EPM2A: variants seen among roughly 807,000 people sequenced by gnomAD.
EPM2A encodes the protein laforin.
Under a neutral mutation model 26.5 loss-of-function variants are expected in EPM2A, and 21 were observed. That is an observed-to-expected ratio of 0.79 (90% CI 0.56 to 1.14). EPM2A has a LOEUF of 1.14. Among genes scored for constraint, EPM2A ranks in the 50% most tolerant of loss-of-function variants. The pLI, the probability that EPM2A is intolerant of heterozygous loss-of-function variation, is 0.00. For missense variants in EPM2A, 458 were observed against 440.8 expected (o/e 1.04, Z -0.35); for synonymous variants, 217 against 177.6 (o/e 1.22, Z -1.76).
intron 2 of EPM2A, among the ~76,000 whole-genome samples, chr6:145,564,786 G>A (rs949565497): frequency 6.6e-6 from 1 of 151,814 alleles, no homozygotes; most frequent in African/African-American, 2.4e-5. Context: ...GGGGGGGCAG[G>A]GGGTGTGGAG....
rs143612628 is a variant in EPM2A at position 145,642,083 on chromosome 6, A to G, written c.477-6597T>C. On this transcript the variant is annotated intron_variant, in intron 2 of 3. Transcript: ENST00000367519. ...GATCTATATGCCGTGTCAATAGATT[A>G]TAATTGTAAATAAGGCAACTAGCAA... Among the ~76,000 whole-genome samples, 660 of 152,314 alleles carry G rather than the reference A, an allele frequency of 4.3e-3. 4 individuals carry two copies. The highest frequency in any genetic ancestry group is 0.014 in the African/African-American group (571 of 41,568).
At chr6:145,586,031 T>C (rs9373464) in intron 2 of EPM2A, among the ~76,000 whole-genome samples, 65,973 of 152,004 alleles carry the variant, frequency 0.43, 14,825 homozygotes, top group South Asian at 0.52. Flanking sequence ...CACTGTCCCA[T>C]AAACTCTAGC....
rs80250336 is a variant in EPM2A at position 145,511,591 on chromosome 6, C to T, written c.341-9016G>A. On this transcript the variant is annotated intron_variant, in intron 2 of 3. Transcript: ENST00000450221. ...AAACCCTTAACAAACTAGGCATAGA[C>T]GGAATGTATCTCAAAATAAAAGCCA... Among the ~76,000 whole-genome samples, 29 of 152,162 alleles carry T rather than the reference C, an allele frequency of 1.9e-4. No individual in the cohort carries two copies. In the East Asian group the frequency reaches 4.4e-3, roughly 23 times the overall value.
chr6:145,489,600 G>C (rs1779728627), intron 4 of EPM2A: 1 of 1,120,300 alleles, frequency 8.9e-7, no homozygotes, highest in Non-Finnish European at 1.3e-6. Context: ...AACCCAACAA[G>C]TAAATTTAAA....
intron 2 of EPM2A, among the ~76,000 whole-genome samples, chr6:145,551,008 A>G (rs1179996286): frequency 6.6e-6 from 1 of 152,070 alleles, no homozygotes; most frequent in Non-Finnish European, 1.5e-5. Flanking sequence ...TCAACTGTAC[A>G]GCGAATAAGG....
intron 2 of EPM2A, among the ~76,000 whole-genome samples, chr6:145,678,386 C>T (rs948001923): frequency 1.2e-4 from 18 of 152,110 alleles, no homozygotes. Flanking sequence ...CAACAAAAGC[C>T]AAAATTGACA....
At chr6:145,572,496 A>G (rs1780972001) in intron 2 of EPM2A, among the ~76,000 whole-genome samples, 1 of 152,166 alleles carries the variant, frequency 6.6e-6, no homozygotes, top group Non-Finnish European at 1.5e-5. Context: ...ATGGGTCAGA[A>G]AGCACTCAGT....
rs1582856715 is a variant in EPM2A, at chr6:145,563,848, G to A, written c.341-61273C>T. ...ATAAATAATTAAACATAAATATAGGGAAAACATATATACATTTGAGTAGTA... is the reference window on the plus strand; with the variant it reads ...ATAAATAATTAAACATAAATATAGGAAAAACATATATACATTTGAGTAGTA... On this transcript the variant is annotated intron_variant, in intron 2 of 3. Coordinates refer to the EPM2A transcript ENST00000450221. 2.0e-5 allele frequency among the ~76,000 whole-genome samples: 3 copies of A among 152,168 alleles called. No homozygotes were observed. In the South Asian group the frequency reaches 6.2e-4, roughly 32 times the overall value.
intron 4 of EPM2A, among the ~76,000 whole-genome samples, chr6:145,389,904 T>A (rs1778314859): frequency 6.6e-6 from 1 of 152,196 alleles, no homozygotes; most frequent in African/African-American, 2.4e-5. Flanking sequence ...TTAGAAAATA[T>A]CAAACATGCA....
intron 2 of EPM2A, among the ~76,000 whole-genome samples, chr6:145,574,742 C>T (rs998115890): frequency 3.5e-4 from 54 of 152,134 alleles, no homozygotes; most frequent in African/African-American, 7.7e-4. Context: ...TCCACATTTC[C>T]GCTAACCAAG....
At chr6:145,720,409 A>G (rs750975448) in intron 1 of EPM2A, among the ~76,000 whole-genome samples, 41 of 152,220 alleles carry the variant, frequency 2.7e-4, no homozygotes, top group Non-Finnish European at 5.3e-4. Flanking sequence ...CTTCCTCATA[A>G]TTATTCTGAA....
At chr6:145,636,486 T>TA (rs370865350) in intron 2 of EPM2A, 158 of 142,078 alleles carry the variant, frequency 1.1e-3, no homozygotes, top group Middle Eastern at 3.6e-3. Context: ...CTCCATCTCT[T>TA]AAAAAAAAAA....
intron 2 of EPM2A, among the ~76,000 whole-genome samples, chr6:145,644,544 G>A (rs920713032): frequency 6.6e-6 from 1 of 152,050 alleles, no homozygotes; most frequent in Non-Finnish European, 1.5e-5. Context: ...GTTTAAAACT[G>A]ACACAATTAG....
chr6:145,408,941 T>G lies in EPM2A; in HGVS notation c.556-24844A>C, dbSNP rs554306246. Among the ~76,000 whole-genome samples, 5 of 152,240 alleles carry G rather than the reference T, an allele frequency of 3.3e-5. No individual in the cohort carries two copies. In the East Asian group the frequency reaches 9.7e-4, roughly 29 times the overall value. On this transcript the variant is annotated intron_variant, in intron 4 of 4. Transcript: ENST00000638717. Reference sequence around the variant, plus strand: ...CCAAAGGTCTTCCCTTTTAATACCATTTCTTTGGGGTCTAGGTTTCAACAA... The same window carrying G: ...CCAAAGGTCTTCCCTTTTAATACCAGTTCTTTGGGGTCTAGGTTTCAACAA...
chr6:145,589,674 A>G (rs931335552), intron 2 of EPM2A, among the ~76,000 whole-genome samples: 2 of 152,134 alleles, frequency 1.3e-5, no homozygotes, highest in Non-Finnish European at 2.9e-5. Context: ...ATGAATGAAA[A>G]GATTAATAAT....
At chr6:145,711,027 C>T (rs374818488) in intron 1 of EPM2A, among the ~76,000 whole-genome samples, 2 of 151,272 alleles carry the variant, frequency 1.3e-5, no homozygotes, top group Non-Finnish European at 2.9e-5. Flanking sequence ...TGTTAAATGA[C>T]GAGTTAATGG....
intron 4 of EPM2A, among the ~76,000 whole-genome samples, chr6:145,452,601 G>A (rs559154074): frequency 6.3e-4 from 94 of 149,148 alleles, no homozygotes; most frequent in African/African-American, 2.3e-3. Flanking sequence ...GAACCCAGGA[G>A]ACGGAGCTTG....
chr6:145,469,749 A>C lies in EPM2A; in HGVS notation c.555+32773T>G, dbSNP rs1342303277. Among the ~76,000 whole-genome samples, 3 of 152,168 alleles carry C rather than the reference A, an allele frequency of 2.0e-5. No individual in the cohort carries two copies. The East Asian group carries it at 5.8e-4, about 29-fold the overall frequency. ...GTTTACTGCAGCACTATTCACAATA[A>C]CCAAGATTTTGAAGCAACCTAAGTG... On this transcript the variant is annotated intron_variant, in intron 4 of 4. Coordinates refer to the EPM2A transcript ENST00000638717.
chr6:145,620,126 A>G (rs550717536), intron 2 of EPM2A, among the ~76,000 whole-genome samples: 1 of 152,292 alleles, frequency 6.6e-6, no homozygotes, highest in Admixed American at 6.5e-5. Flanking sequence ...GTGGTCCCCA[A>G]CCTTTTTGGA....
Sources: allele counts gnomAD v4.1 joint callset (sites outside exome capture counted in the v4.1 genomes callset), GRCh38; gene constraint gnomAD v4.1.1; transcripts MANE v1.5; gene names NCBI Gene and HGNC (gene_info 2026-07-23, HGNC 2026-07-21).